Variants in NUS1 observed in about 807,000 individuals in gnomAD.
The protein encoded by NUS1 is dehydrodolichyl diphosphate synthase complex subunit NUS1.
For synonymous variants in NUS1, 135 were observed against 155.2 expected (o/e 0.87, Z 0.97); for missense variants, 292 against 382.9 (o/e 0.76, Z 1.98).
chr6:117,680,246 G>A lies in NUS1; in HGVS notation c.415+4161G>A, dbSNP rs540361347. On this transcript the variant is annotated intron_variant, in intron 1 of 4. Coordinates refer to ENST00000368494, the MANE Select transcript of NUS1 (RefSeq NM_138459.5). ...TTTTTTGAGTTCAGAATTCTAGCGA[G>A]ATTTGGCTGTTCTGTCTATATGATT... Among the ~76,000 whole-genome samples the A allele has an allele frequency of 1.6e-3, 240 of 152,270 alleles. 1 individual carries two copies. Among genetic ancestry groups the A allele is most frequent in the Middle Eastern group, 3.4e-3 (1 of 294 alleles).
chr6:117,694,513 T>C (rs913715724), intron 3 of NUS1, among the ~76,000 whole-genome samples: 1 of 152,058 alleles, frequency 6.6e-6, no homozygotes, highest in Admixed American at 6.6e-5. Flanking sequence ...TTCTTTTTAG[T>C]TTGAACTTTC....
At chr6:117,689,333 A>G (rs1164072547) in intron 1 of NUS1, among the ~76,000 whole-genome samples, 2 of 152,238 alleles carry the variant, frequency 1.3e-5, no homozygotes, top group Admixed American at 6.5e-5. Context: ...AAATATGAAC[A>G]AACTGGTGAG....
rs537010533 is a variant in NUS1 at position 117,709,961 on chromosome 6, G to T, written c.*2946G>T. The T allele has an allele frequency of 5.3e-5, 8 of 152,266 alleles. No homozygotes were observed. In the South Asian group the frequency reaches 1.7e-3, roughly 32 times the overall value. The allele number at this position is 152,266 out of a possible 1,614,324, so 9.4% of individuals were successfully genotyped here. A position where few individuals can be genotyped will look rare whatever the true frequency, so the allele number is the denominator to read the frequency against. The stretch of plus-strand genomic sequence containing the variant: ...TTGAAATATATTCTCACTTTTACCA[G>T]GTTAAACATTTGGAATCTTATAATG... On this transcript the variant is annotated 3_prime_UTR_variant, in exon 5 of 5. Coordinates refer to ENST00000368494, the MANE Select transcript of NUS1 (RefSeq NM_138459.5).
intron 1 of NUS1, among the ~76,000 whole-genome samples, chr6:117,686,177 C>T (rs935291777): frequency 1.8e-4 from 26 of 144,326 alleles, no homozygotes; most frequent in Non-Finnish European, 2.9e-4. Flanking sequence ...AGGAGAATGG[C>T]GTGAACCCAG....
At chr6:117,692,581 T>C (rs1308107205) in intron 1 of NUS1, among the ~76,000 whole-genome samples, 2 of 152,116 alleles carry the variant, frequency 1.3e-5, no homozygotes, top group Non-Finnish European at 2.9e-5. Context: ...TCTTATGATT[T>C]AAAAAACTAA....
intron 1 of NUS1, 21 bp downstream of exon 1, chr6:117,676,106 G>T (rs922057894): frequency 6.5e-7 from 1 of 1,550,088 alleles, no homozygotes; most frequent in Non-Finnish European, 8.7e-7. Flanking sequence ...GTGCGGTGGT[G>T]GGGGGTGGCC....
At chr6:117,701,784 G>A (rs1041022059) in intron 3 of NUS1, among the ~76,000 whole-genome samples, 12 of 151,674 alleles carry the variant, frequency 7.9e-5, no homozygotes, top group South Asian at 4.2e-4. Flanking sequence ...AGAGACTTAG[G>A]ATTTTCTAAA....
At chr6:117,684,058 TC>T (rs2114680342) in intron 1 of NUS1, among the ~76,000 whole-genome samples, 1 of 152,368 alleles carries the variant, frequency 6.6e-6, no homozygotes, top group South Asian at 2.1e-4. Flanking sequence ...CTGTTGTACT[TC>T]CAAATGTTGT....
At chr6:117,697,729 C>A (rs182184442) in intron 3 of NUS1, among the ~76,000 whole-genome samples, 13 of 152,118 alleles carry the variant, frequency 8.5e-5, no homozygotes, top group African/African-American at 3.1e-4. Flanking sequence ...GACTTCAACA[C>A]CCCACTTTCA....
At chr6:117,685,243 A>G (rs1773119891) in intron 1 of NUS1, among the ~76,000 whole-genome samples, 1 of 152,114 alleles carries the variant, frequency 6.6e-6, no homozygotes, top group Non-Finnish European at 1.5e-5. Context: ...GAAGTTGAAG[A>G]TTTTGTGGTT....
At chr6:117,685,015 C>T (rs62431059) in intron 1 of NUS1, among the ~76,000 whole-genome samples, 9,212 of 152,186 alleles carry the variant, frequency 0.061, 350 homozygotes, top group African/African-American at 0.087. Flanking sequence ...TAGGGACATT[C>T]CAGTAGTTAT....
chr6:117,676,048 C>A lies in NUS1; in HGVS notation c.378C>A (p.Ala126=). 2 of 1,550,524 alleles carry A rather than the reference C, an allele frequency of 1.3e-6. No homozygotes were observed. Among genetic ancestry groups the A allele is most frequent in the Non-Finnish European group, 1.7e-6 (2 of 1,147,186 alleles). ...DIASLVVWCM[A]VGISYISVYD... ...CGAGCCTCGTGGTGTGGTGTATGGC[C>A]GTGGGCATCTCCTACATTAGCGTCT... is the stretch of plus-strand genomic sequence containing the variant. The change falls in exon 1 of 5, where the codon GCC becomes GCA. Residue 126 remains alanine (A), a synonymous_variant. Coordinates refer to ENST00000368494, the MANE Select transcript of NUS1 (RefSeq NM_138459.5).
At chr6:117,706,055 C>G (rs1773496692) in intron 4 of NUS1, among the ~76,000 whole-genome samples, 1 of 152,134 alleles carries the variant, frequency 6.6e-6, no homozygotes, top group South Asian at 2.1e-4. Flanking sequence ...CTCTTCTATT[C>G]TGACCAGGTG....
intron 1 of NUS1, among the ~76,000 whole-genome samples, chr6:117,688,517 A>AC (rs918511678): frequency 2.6e-5 from 4 of 151,944 alleles, no homozygotes; most frequent in African/African-American, 9.7e-5. Context: ...CTGTCCTACT[A>AC]CCCCTATACA....
chr6:117,692,363 C>T (rs886271640), intron 1 of NUS1, among the ~76,000 whole-genome samples: 2 of 151,666 alleles, frequency 1.3e-5, no homozygotes, highest in African/African-American at 2.4e-5. Flanking sequence ...TTTTTTTAGT[C>T]AGAGCTCTTA....
At chr6:117,676,211 C>T in intron 1 of NUS1, 126 bp downstream of exon 1, 1 of 1,414,204 alleles carries the variant, frequency 7.1e-7, no homozygotes, top group South Asian at 1.4e-5. Flanking sequence ...CTAGCGCTTT[C>T]GAGGAAGGGA....
chr6:117,688,389 G>A (rs1220720123), intron 1 of NUS1, among the ~76,000 whole-genome samples: 1 of 152,070 alleles, frequency 6.6e-6, no homozygotes, highest in African/African-American at 2.4e-5. Flanking sequence ...TAGAGAGAAT[G>A]CCTGGGTGAC....
chr6:117,698,332 G>A lies in NUS1; in HGVS notation c.691+4152G>A, dbSNP rs533069794. On this transcript the variant is annotated intron_variant, in intron 3 of 4. Coordinates refer to ENST00000368494, the MANE Select transcript of NUS1 (RefSeq NM_138459.5). Reference sequence around the variant, plus strand: ...AAATAAATAAAATCAGAGATGGAAAGGAGATACTGCAACTGATGCTACAGA... The same window carrying A: ...AAATAAATAAAATCAGAGATGGAAAAGAGATACTGCAACTGATGCTACAGA... Among the ~76,000 whole-genome samples, 61 of 152,168 alleles carry A rather than the reference G, an allele frequency of 4.0e-4. 1 individual carries two copies. Among genetic ancestry groups the A allele is most frequent in the African/African-American group, 1.3e-3 (55 of 41,552 alleles).
intron 4 of NUS1, among the ~76,000 whole-genome samples, chr6:117,705,907 GGATGACTTAT>G (rs1773493441): frequency 6.6e-6 from 1 of 152,094 alleles, no homozygotes; most frequent in African/African-American, 2.4e-5. Context: ...AATTAGAAGT[GGATGACTTAT>G]TGCAGAATTT....
Sources: allele counts gnomAD v4.1 joint callset (sites outside exome capture counted in the v4.1 genomes callset), GRCh38; gene constraint gnomAD v4.1.1; transcripts MANE v1.5; gene names NCBI Gene and HGNC (gene_info 2026-07-23, HGNC 2026-07-21).